The following DNMT3L variants were observed in gnomAD, a reference collection of about 807,000 sequenced individuals.
DNMT3L encodes the protein DNA (cytosine-5)-methyltransferase 3-like.
Under a neutral mutation model 36.2 loss-of-function variants are expected in DNMT3L, and 33 were observed. The observed-to-expected ratio is 0.91, with a 90% CI of 0.69 to 1.22. The LOEUF is 1.22. DNMT3L is among the 50% of genes most tolerant of loss of function. DNMT3L has a pLI of 0.00. For missense variants in DNMT3L, 310 were observed against 303.1 expected, an observed-to-expected ratio of 1.02 and a Z score of -0.17; for synonymous variants, 117 against 121.7, an observed-to-expected ratio of 0.96 and a Z score of 0.26.
Position 44,258,374 on chromosome 21 carries a change from A to T in DNMT3L, c.516+149T>A. 1 of 1,182,794 alleles carries T rather than the reference A, an allele frequency of 8.5e-7. No individual in the cohort carries two copies. The highest frequency in any genetic ancestry group is 1.1e-6 in the Non-Finnish European group (1 of 871,572). 73.3% of individuals were successfully genotyped at this position (1,182,794 alleles called of 1,614,324 possible). On this transcript the variant is annotated intron_variant, in intron 6 of 11. Transcript: ENST00000628202. The surrounding 1 kb of genome is among the most constrained non-coding windows in gnomAD (Gnocchi z 6.2). ...AAGCCACCATCGAGTGGAAGCCACT[A>T]TCGGAGAGGAACCCAGGAAAGAGTG... is the stretch of plus-strand genomic sequence containing the variant.
chr21:44,261,029 C>A (rs2040312607), intron 2 of DNMT3L, 125 bp downstream of exon 2: 2 of 1,384,434 alleles, frequency 1.4e-6, no homozygotes, highest in South Asian at 1.3e-5. Flanking sequence ...GGGTGGGGAA[C>A]CTCCTGCCCC....
In DNMT3L at chr21:44,258,512, G is replaced by C; in HGVS notation, c.516+11C>G. ...CTGCTGCCGGGTGCTGCCCCTCCAC[G>C]GGCTCCTTACCGACTCTCGGTCGTA... On this transcript the variant is annotated intron_variant, in intron 6 of 11. Coordinates refer to ENST00000628202, the MANE Select transcript of DNMT3L (RefSeq NM_175867.3). The surrounding 1 kb of genome is among the most constrained non-coding windows in gnomAD (Gnocchi z 6.2). The C allele has an allele frequency of 6.5e-7, 1 of 1,544,772 alleles. No individual in the cohort carries two copies. Among genetic ancestry groups the C allele is most frequent in the Non-Finnish European group, 8.8e-7 (1 of 1,141,780 alleles).
In DNMT3L at chr21:44,260,841, T is replaced by G. The variant is rs553210775; in HGVS notation, c.107-2A>C. On this transcript the variant is annotated splice_acceptor_variant, in intron 2 of 11. Coordinates refer to ENST00000628202, the MANE Select transcript of DNMT3L (RefSeq NM_175867.3). LOFTEE classifies it high-confidence loss of function. ...CCTTGACTTCATATGCAATAAGATC[T>G]GGAAAGGAAGATAAGAAGTAGCCCC... is the stretch of plus-strand genomic sequence containing the variant. The G allele has an allele frequency of 6.2e-7, 1 of 1,613,054 alleles. No individual in the cohort carries two copies. Among genetic ancestry groups the G allele is most frequent in the Non-Finnish European group, 8.5e-7 (1 of 1,179,808 alleles).
At chr21:44,257,700 ATAAAT>A (rs1568916371) in intron 6 of DNMT3L, among the ~76,000 whole-genome samples, 673 of 61,448 alleles carry the variant, frequency 0.011, 28 homozygotes, top group African/African-American at 0.042. Context: ...AAAAAAATAA[ATAAAT>A]AAATAAATAA....
chr21:44,256,666 C>A (rs2040261721), intron 6 of DNMT3L, among the ~76,000 whole-genome samples: 1 of 152,220 alleles, frequency 6.6e-6, no homozygotes, highest in South Asian at 2.1e-4. Context: ...GCTTCCAGAA[C>A]CTCGGAGAAG....
At position 44,259,434 on chromosome 21, in the gene DNMT3L, C is replaced by T. The variant is rs1294747657; in HGVS notation, c.344+3G>A. On this transcript the variant is annotated splice_donor_region_variant and intron_variant, in intron 5 of 11. Transcript: ENST00000628202. ...ACCCCCCTGGGCAGGCCCCTCGCCT[C>T]ACCGGGTGCAATCAGGGTTTCCGCA... The T allele has an allele frequency of 6.2e-7, 1 of 1,613,538 alleles. No individual in the cohort carries two copies.
rs543542299 is a variant in DNMT3L at position 44,258,242 on chromosome 21, T to G, written c.516+281A>C. 1.3e-5 allele frequency among the ~76,000 whole-genome samples: 2 copies of G among 152,134 alleles called. No individual in the cohort carries two copies. Among genetic ancestry groups the G allele is most frequent in the South Asian group, 4.2e-4 (2 of 4,818 alleles). ...AGCCCAGGCACTTGCTCCTGAGGAC[T>G]GGACTTTGAGACGTGCCAGCCACCC... On this transcript the variant is annotated intron_variant, in intron 6 of 11. Coordinates refer to ENST00000628202, the MANE Select transcript of DNMT3L (RefSeq NM_175867.3). This position sits in a 1 kb window ranked among gnomAD's most constrained non-coding sequence, Gnocchi z 6.2.
At position 44,257,562 on chromosome 21, in the gene DNMT3L, T is replaced by C. The variant is rs1482111606; in HGVS notation, c.516+961A>G. Among the ~76,000 whole-genome samples the C allele has an allele frequency of 4.1e-5, 6 of 147,414 alleles. No individual in the cohort carries two copies. The East Asian group carries it at 1.2e-3, about 30-fold the overall frequency. On this transcript the variant is annotated intron_variant, in intron 6 of 11. Coordinates refer to ENST00000628202, the MANE Select transcript of DNMT3L (RefSeq NM_175867.3). ...CGGGCGTAGTGGCGGGCGCCTGTAGTCCCAGCTACTTGGGAGGCTGAGGCA... is the reference window on the plus strand; with the variant it reads ...CGGGCGTAGTGGCGGGCGCCTGTAGCCCCAGCTACTTGGGAGGCTGAGGCA...
rs576081326 is a variant in DNMT3L at position 44,257,722 on chromosome 21, A to T, written c.516+801T>A. ...TAAATAAATAAATAAATAAATAAAT[A>T]AAAAACAGACCAGGGGACTTGGCAC... On this transcript the variant is annotated intron_variant, in intron 6 of 11. Transcript: ENST00000628202. 9.2e-5 allele frequency among the ~76,000 whole-genome samples: 14 copies of T among 151,942 alleles called. No homozygotes were observed. In the South Asian group the frequency reaches 2.9e-3, roughly 32 times the overall value.
At chr21:44,261,026 G>A in intron 2 of DNMT3L, 128 bp downstream of exon 2, 1 of 1,381,194 alleles carries the variant, frequency 7.2e-7, no homozygotes, top group Non-Finnish European at 1.0e-6. Flanking sequence ...TGTGGGTGGG[G>A]AACCTCCTGC....
intron 7 of DNMT3L, among the ~76,000 whole-genome samples, chr21:44,254,917 C>A (rs1156481061): frequency 6.6e-6 from 1 of 152,174 alleles, no homozygotes; most frequent in Non-Finnish European, 1.5e-5. Flanking sequence ...CCTCCGCCTC[C>A]CAGGTTCAAG....
intron 2 of DNMT3L, 41 bp downstream of exon 2, chr21:44,261,113 G>T: frequency 1.2e-6 from 2 of 1,602,442 alleles, no homozygotes; most frequent in Non-Finnish European, 8.5e-7. Flanking sequence ...CCTGGGATCA[G>T]CATCCTAAGT....
In DNMT3L at chr21:44,258,599, G is replaced by C. The variant is rs779357204; in HGVS notation, c.440C>G (p.Pro147Arg). The change falls in exon 6 of 12, where the codon CCG (proline) becomes CGG (arginine). Residue 147 changes from proline (P) to arginine (R), a missense_variant. Coordinates refer to ENST00000628202, the MANE Select transcript of DNMT3L (RefSeq NM_175867.3). This position sits in a 1 kb window ranked among gnomAD's most constrained non-coding sequence, Gnocchi z 6.2. ...CTGCAGCAGCCCGCTTCGGGAGGAC[G>C]GCAGGCACAGGTAGCACACCCAGTT... Reference protein sequence around the residue: ...MSNWVCYLCLPSSRSGLLQRR... With the variant: ...MSNWVCYLCLRSSRSGLLQRR... 2 of 1,611,660 alleles carry C rather than the reference G, an allele frequency of 1.2e-6. No homozygotes were observed. The highest frequency in any genetic ancestry group is 2.2e-5 in the South Asian group (2 of 90,892).
In DNMT3L at chr21:44,259,469, C is replaced by G. The variant is rs754467975; in HGVS notation, c.312G>C (p.Thr104=). ...SYCSICCSGE[T]LLICGNPDCT... ...AATCAGGGTTTCCGCAGATGAGCAGCGTCTCTCCGGAGCAGCAGATGGAGC... is the reference window on the plus strand; with the variant it reads ...AATCAGGGTTTCCGCAGATGAGCAGGGTCTCTCCGGAGCAGCAGATGGAGC... Residue 104 remains threonine, a synonymous_variant, in exon 5 of 12, where the codon ACG becomes ACC. Transcript: ENST00000628202. 2 of 1,613,526 alleles carry G rather than the reference C, an allele frequency of 1.2e-6. No individual in the cohort carries two copies. Among genetic ancestry groups the G allele is most frequent in the Non-Finnish European group, 1.7e-6 (2 of 1,180,020 alleles).
intron 6 of DNMT3L, among the ~76,000 whole-genome samples, chr21:44,257,736 G>T (rs1224988592): frequency 1.3e-5 from 2 of 151,860 alleles, no homozygotes; most frequent in Non-Finnish European, 2.9e-5. Flanking sequence ...AACAGACCAG[G>T]GGACTTGGCA....
intron 6 of DNMT3L, among the ~76,000 whole-genome samples, chr21:44,257,572 T>TCA (rs1568916130): frequency 9.1e-4 from 135 of 147,894 alleles, no homozygotes; most frequent in African/African-American, 3.2e-3. Flanking sequence ...TCCCAGCTAC[T>TCA]TGGGAGGCTG....
Position 44,258,512 on chromosome 21 carries a change from G to T in DNMT3L, c.516+11C>A. ...CTGCTGCCGGGTGCTGCCCCTCCACGGGCTCCTTACCGACTCTCGGTCGTA... is the reference window on the plus strand; with the variant it reads ...CTGCTGCCGGGTGCTGCCCCTCCACTGGCTCCTTACCGACTCTCGGTCGTA... On this transcript the variant is annotated intron_variant, in intron 6 of 11. Coordinates refer to ENST00000628202, the MANE Select transcript of DNMT3L (RefSeq NM_175867.3). This position sits in a 1 kb window ranked among gnomAD's most constrained non-coding sequence, Gnocchi z 6.2. 1 of 1,544,768 alleles carries T rather than the reference G, an allele frequency of 6.5e-7. No homozygotes were observed. The highest frequency in any genetic ancestry group is 8.8e-7 in the Non-Finnish European group (1 of 1,141,778).
In DNMT3L at chr21:44,261,249, A is replaced by T. The variant is rs1320779056; in HGVS notation, c.11T>A (p.Ile4Asn). ...CTCGGCCTCTGGGTCCAGGGCTGGG[A>T]TGGCCGCCATGGGGATGCTGTGTCA... MAA[I>N]PALDPEAEPS... Residue 4 changes from isoleucine to asparagine, a missense_variant, in exon 2 of 12, where the codon ATC (isoleucine) becomes AAC (asparagine). Transcript: ENST00000628202. The T allele has an allele frequency of 1.9e-6, 3 of 1,612,356 alleles. No individual in the cohort carries two copies. Among genetic ancestry groups the T allele is most frequent in the Non-Finnish European group, 2.5e-6 (3 of 1,179,868 alleles).
Position 44,260,848 on chromosome 21 carries a change from G to A in DNMT3L, c.107-9C>T, listed in dbSNP as rs761403685. On this transcript the variant is annotated splice_polypyrimidine_tract_variant and intron_variant, in intron 2 of 11. Coordinates refer to ENST00000628202, the MANE Select transcript of DNMT3L (RefSeq NM_175867.3). ...TTCATATGCAATAAGATCTGGAAAGGAAGATAAGAAGTAGCCCCTTTCTTC... is the reference window on the plus strand; with the variant it reads ...TTCATATGCAATAAGATCTGGAAAGAAAGATAAGAAGTAGCCCCTTTCTTC... 1.9e-6 allele frequency: 3 copies of A among 1,613,096 alleles called. No homozygotes were observed. The highest frequency in any genetic ancestry group is 2.5e-6 in the Non-Finnish European group (3 of 1,179,934).
Sources: allele counts gnomAD v4.1 joint callset (sites outside exome capture counted in the v4.1 genomes callset), GRCh38; gene constraint gnomAD v4.1.1; non-coding constraint Gnocchi (gnomAD v3.1); transcripts MANE v1.5; gene names NCBI Gene and HGNC (gene_info 2026-07-23, HGNC 2026-07-21).